Variants in CYSTM1 observed in about 807,000 individuals in gnomAD.
The protein encoded by CYSTM1 is cysteine rich transmembrane module containing 1.
CYSTM1 carries 4 observed loss-of-function variants against 13.1 expected under a neutral mutation model. The observed-to-expected ratio is 0.31, with a 90% CI of 0.15 to 0.70. The LOEUF (loss-of-function observed/expected upper bound fraction) is 0.70. Ranked by LOEUF, CYSTM1 falls within the 30% of genes least tolerant of loss-of-function variation. The probability of loss-of-function intolerance (pLI) is 0.72; values close to 1 mark genes in which losing one functional copy is unlikely to be tolerated. For synonymous variants in CYSTM1, 36 were observed against 42.7 expected (o/e 0.84, Z 0.62); for missense variants, 96 against 121.6 (o/e 0.79, Z 0.99).
intron 2 of CYSTM1, among the ~76,000 whole-genome samples, chr5:140,213,441 A>C (rs938660657): frequency 2.0e-5 from 3 of 152,172 alleles, no homozygotes; most frequent in African/African-American, 4.8e-5. Context: ...TAGTTATTGA[A>C]GAAAGAAATT....
chr5:140,220,780 A>T (rs1764479390), intron 2 of CYSTM1, among the ~76,000 whole-genome samples: 1 of 152,072 alleles, frequency 6.6e-6, no homozygotes, highest in Admixed American at 6.6e-5. Flanking sequence ...GCAGGAGGGC[A>T]GGTGGGCACA....
intron 1 of CYSTM1, among the ~76,000 whole-genome samples, chr5:140,190,804 C>T (rs971475974): frequency 2.6e-5 from 4 of 152,172 alleles, no homozygotes; most frequent in South Asian, 4.1e-4. Flanking sequence ...GACTGCAGCA[C>T]TATTTTAGCT....
At chr5:140,216,049 A>G (rs1764422220) in intron 2 of CYSTM1, among the ~76,000 whole-genome samples, 2 of 152,078 alleles carry the variant, frequency 1.3e-5, no homozygotes, top group Non-Finnish European at 2.9e-5. Context: ...GACTGAGGCC[A>G]GAGAATCACT....
chr5:140,196,265 A>G (rs562301951), intron 2 of CYSTM1, among the ~76,000 whole-genome samples: 4 of 152,316 alleles, frequency 2.6e-5, no homozygotes, highest in African/African-American at 9.6e-5. Context: ...CCTATAATTT[A>G]TTGCTGTACT....
intron 2 of CYSTM1, among the ~76,000 whole-genome samples, chr5:140,234,969 AT>A (rs33916926): frequency 0.72 from 91,216 of 126,794 alleles, 31,628 homozygotes; most frequent in African/African-American, 0.76. Flanking sequence ...CTCATTCATA[AT>A]TTTTTTTTTT....
chr5:140,178,440 C>CCTTTTTTTTTTTTTTTTTT (rs1763918096), intron 1 of CYSTM1, among the ~76,000 whole-genome samples: 1 of 72,386 alleles, frequency 1.4e-5, no homozygotes, highest in Non-Finnish European at 2.6e-5. Flanking sequence ...TCAAGTCCTT[C>CCTTTTTTTTTTTTTTTTTT]CTTTTTTTTT....
At chr5:140,214,333 T>C (rs534142784) in intron 2 of CYSTM1, among the ~76,000 whole-genome samples, 5 of 152,260 alleles carry the variant, frequency 3.3e-5, no homozygotes, top group Admixed American at 6.5e-5. Flanking sequence ...AGGTACTTTA[T>C]GTAGAACATT....
chr5:140,220,436 T>C (rs1764475877), intron 2 of CYSTM1, among the ~76,000 whole-genome samples: 1 of 152,144 alleles, frequency 6.6e-6, no homozygotes, highest in African/African-American at 2.4e-5. Flanking sequence ...GGTAATAAGA[T>C]TAACATTCCT....
intron 2 of CYSTM1, among the ~76,000 whole-genome samples, chr5:140,210,650 C>T (rs1764356903): frequency 6.6e-6 from 1 of 151,894 alleles, no homozygotes; most frequent in Non-Finnish European, 1.5e-5. Context: ...TAGCCAGGAC[C>T]ACAGGTATGC....
chr5:140,220,917 G>A (rs943223672), intron 2 of CYSTM1, among the ~76,000 whole-genome samples: 1 of 152,178 alleles, frequency 6.6e-6, no homozygotes, highest in African/African-American at 2.4e-5. Context: ...TGAAGCTGCT[G>A]CTGGGACAGA....
At chr5:140,229,719 C>A (rs568222036) in intron 2 of CYSTM1, among the ~76,000 whole-genome samples, 1 of 151,320 alleles carries the variant, frequency 6.6e-6, no homozygotes, top group Non-Finnish European at 1.5e-5. Flanking sequence ...TTTTTTGAGA[C>A]CTAGTTTTGC....
intron 2 of CYSTM1, among the ~76,000 whole-genome samples, chr5:140,204,282 A>G (rs138436354): frequency 9.9e-4 from 150 of 152,258 alleles, no homozygotes; most frequent in African/African-American, 3.6e-3. Flanking sequence ...CTGAGGCAGG[A>G]GGATCACCTG....
At chr5:140,190,499 T>C (rs935543072) in intron 1 of CYSTM1, among the ~76,000 whole-genome samples, 1 of 152,214 alleles carries the variant, frequency 6.6e-6, no homozygotes, top group Non-Finnish European at 1.5e-5. Context: ...TCATTTTTTT[T>C]CCACTGGGAC....
chr5:140,225,183 AAAAAAT>A (rs1286660564), intron 2 of CYSTM1, among the ~76,000 whole-genome samples: 1 of 152,198 alleles, frequency 6.6e-6, no homozygotes, highest in Non-Finnish European at 1.5e-5. Flanking sequence ...CCCTCTCTCT[AAAAAAT>A]AAAAATAAAA....
chr5:140,223,786 G>T (rs1209290517), intron 2 of CYSTM1, among the ~76,000 whole-genome samples: 1 of 152,222 alleles, frequency 6.6e-6, no homozygotes, highest in Non-Finnish European at 1.5e-5. Context: ...AGGCAAGGGG[G>T]CACTTTGCTG....
At position 140,175,719 on chromosome 5, in the gene CYSTM1, G is replaced by A. The variant is rs1039734555; in HGVS notation, c.-21+434G>A. On this transcript the variant is annotated intron_variant, in intron 1 of 2. Coordinates refer to ENST00000261811, the MANE Select transcript of CYSTM1 (RefSeq NM_032412.4). The surrounding 1 kb of genome is among the most constrained non-coding windows in gnomAD (Gnocchi z 4.9). The stretch of plus-strand genomic sequence containing the variant: ...CCTATTCCGAGCTGGGCCAGCCGGG[G>A]GCAGGGGGCAGGTCGCGAGTCCCGC... Among the ~76,000 whole-genome samples the A allele has an allele frequency of 3.3e-5, 5 of 152,262 alleles. No homozygotes were observed. Among genetic ancestry groups the A allele is most frequent in the African/African-American group, 1.2e-4 (5 of 41,476 alleles).
At chr5:140,209,638 C>T (rs1444293940) in intron 2 of CYSTM1, among the ~76,000 whole-genome samples, 4 of 152,162 alleles carry the variant, frequency 2.6e-5, no homozygotes, top group African/African-American at 4.8e-5. Flanking sequence ...CCATATTGAC[C>T]AGACTGGTCT....
Position 140,239,852 on chromosome 5 carries a change from C to T in CYSTM1, c.188-3453C>T, listed in dbSNP as rs564568516. ...CAGTGCAGGGTCCCCTGGACCTGAC[C>T]CCCACTCCACCTGTAGTCCCCTAGG... is the stretch of plus-strand genomic sequence containing the variant. On this transcript the variant is annotated intron_variant, in intron 2 of 2. Coordinates refer to ENST00000261811, the MANE Select transcript of CYSTM1 (RefSeq NM_032412.4). This position sits in a 1 kb window ranked among gnomAD's most constrained non-coding sequence, Gnocchi z 5.4. 6.6e-6 allele frequency among the ~76,000 whole-genome samples: 1 copy of T among 152,302 alleles called. No homozygotes were observed. The highest frequency in any genetic ancestry group is 2.4e-5 in the African/African-American group (1 of 41,576).
At chr5:140,187,518 C>T (rs896323443) in intron 1 of CYSTM1, among the ~76,000 whole-genome samples, 1 of 152,022 alleles carries the variant, frequency 6.6e-6, no homozygotes, top group Admixed American at 6.6e-5. Flanking sequence ...AGATGTATGC[C>T]ACCACACCCA....
Sources: gnomAD v4.1 joint callset for allele counts (sites outside exome capture counted in the v4.1 genomes callset) on GRCh38, gnomAD v4.1.1 for gene constraint, Gnocchi (gnomAD v3.1) non-coding constraint, MANE v1.5 for transcripts, NCBI Gene and HGNC (gene_info 2026-07-23, HGNC 2026-07-21) for gene names.